CLTC: variants seen among roughly 807,000 people sequenced by gnomAD.
CLTC encodes clathrin heavy chain, also known as clathrin heavy chain 1.
Under a neutral mutation model 195.8 loss-of-function variants are expected in CLTC, and 16 were observed. The ratio of observed to expected loss-of-function variants is 0.08; its 90% confidence interval spans 0.06 to 0.12. The LOEUF (loss-of-function observed/expected upper bound fraction) is 0.12, where lower values mean the gene tolerates loss of function less well. Ranked by LOEUF, CLTC falls within the 10% of genes least tolerant of loss-of-function variation. The pLI is 1.00. For missense variants in CLTC, 796 were observed against 2,027.0 expected, an observed-to-expected ratio of 0.39 and a Z score of 11.66; for synonymous variants, 667 against 689.4, an observed-to-expected ratio of 0.97 and a Z score of 0.51.
intron 5 of CLTC, among the ~76,000 whole-genome samples, chr17:59,651,677 C>A (rs12939519): frequency 6.6e-6 from 1 of 152,166 alleles, no homozygotes; most frequent in Non-Finnish European, 1.5e-5. Flanking sequence ...TTTAAAAATA[C>A]TTTATTGCTA....
At position 59,683,373 on chromosome 17, in the gene CLTC, T is replaced by G. The variant is rs2033117284; in HGVS notation, c.4042-14T>G. 1 of 1,605,366 alleles carries G rather than the reference T, an allele frequency of 6.2e-7. No individual in the cohort carries two copies. Among genetic ancestry groups the G allele is most frequent in the Non-Finnish European group, 8.5e-7 (1 of 1,176,038 alleles). On this transcript the variant is annotated splice_polypyrimidine_tract_variant and intron_variant, in intron 25 of 31. Coordinates refer to ENST00000269122, the MANE Select transcript of CLTC (RefSeq NM_004859.4). This position sits in a 1 kb window ranked among gnomAD's most constrained non-coding sequence, Gnocchi z 6.1. ...TAGACTCATATCTAAAGCAATTAAG[T>G]CTTTCTTATGCAGGTGCTAAGAGCT... is the stretch of plus-strand genomic sequence containing the variant.
intron 5 of CLTC, among the ~76,000 whole-genome samples, chr17:59,651,724 GTAAT>G (rs1292109820): frequency 6.6e-6 from 1 of 152,204 alleles, no homozygotes; most frequent in East Asian, 1.9e-4. Context: ...TTAGTGAGTT[GTAAT>G]CTTTTTGCTT....
intron 1 of CLTC, among the ~76,000 whole-genome samples, chr17:59,640,477 A>G (rs1567936632): frequency 6.6e-6 from 1 of 151,214 alleles, no homozygotes; most frequent in Non-Finnish European, 1.5e-5. Flanking sequence ...GCTCACTGCA[A>G]CCTCCGCCTC....
intron 1 of CLTC, among the ~76,000 whole-genome samples, chr17:59,634,078 TTTTTA>T (rs1431672999): frequency 6.6e-6 from 1 of 152,064 alleles, no homozygotes; most frequent in East Asian, 1.9e-4. Context: ...CTGGACAGTT[TTTTTA>T]TTTTTTGTAG....
chr17:59,661,394 T>C (rs751071961), intron 7 of CLTC, 49 bp from the exon 8 acceptor site: 1 of 1,466,082 alleles, frequency 6.8e-7, no homozygotes, highest in Non-Finnish European at 9.6e-7. Context: ...GTTTAACATT[T>C]CTCCTTCTTA....
intron 1 of CLTC, among the ~76,000 whole-genome samples, chr17:59,642,005 T>G (rs9899439): frequency 0.73 from 101,452 of 139,732 alleles, 37,141 homozygotes; most frequent in East Asian, 0.9. Context: ...TGTTGTTTTT[T>G]TTTTTTTTTT....
At position 59,696,384 on chromosome 17, in the gene CLTC, G is replaced by A. The variant is rs1028335846; in HGVS notation, c.*2532G>A. ...TTAGACCTTGAGATGGTGCTATAAC[G>A]CTGCTTATATTGCAGTTAACCATAG... On this transcript the variant is annotated 3_prime_UTR_variant, in exon 32 of 32. Coordinates refer to ENST00000269122, the MANE Select transcript of CLTC (RefSeq NM_004859.4). The A allele has an allele frequency of 1.8e-5, 4 of 218,514 alleles. No individual in the cohort carries two copies. Among genetic ancestry groups the A allele is most frequent in the East Asian group, 6.7e-5 (1 of 14,818 alleles). 13.5% of individuals were successfully genotyped at this position (218,514 alleles called of 1,614,324 possible).
intron 1 of CLTC, among the ~76,000 whole-genome samples, chr17:59,629,543 T>TG (rs1278517086): frequency 8.4e-6 from 1 of 118,502 alleles, no homozygotes; most frequent in East Asian, 2.5e-4. Context: ...TTTTTTGAGA[T>TG]GGAGTCTTGC....
chr17:59,689,475 T>TGAGC (rs1382293833), intron 30 of CLTC: 1 of 152,096 alleles, frequency 6.6e-6, no homozygotes, highest in African/African-American at 2.4e-5. Flanking sequence ...GAACATGCAG[T>TGAGC]GAGCATTCAT....
intron 1 of CLTC, among the ~76,000 whole-genome samples, chr17:59,629,518 ATTTTTT>A (rs5821273): frequency 3.2e-5 from 4 of 126,068 alleles, no homozygotes; most frequent in Non-Finnish European, 6.4e-5. Context: ...AGAGATCATA[ATTTTTT>A]TTTTTTTTTT....
chr17:59,654,939 A>T (rs2032428479), intron 5 of CLTC, among the ~76,000 whole-genome samples: 1 of 152,220 alleles, frequency 6.6e-6, no homozygotes, highest in African/African-American at 2.4e-5. Flanking sequence ...GATGTGAGAA[A>T]ATGAGACTGG....
intron 30 of CLTC, among the ~76,000 whole-genome samples, chr17:59,688,194 C>T (rs2033224859): frequency 6.6e-6 from 1 of 152,160 alleles, no homozygotes; most frequent in African/African-American, 2.4e-5. Context: ...ATTTTTGAAA[C>T]TCTTATAGCA....
chr17:59,624,875 G>T (rs2031499937), intron 1 of CLTC, among the ~76,000 whole-genome samples: 1 of 152,038 alleles, frequency 6.6e-6, no homozygotes, highest in African/African-American at 2.4e-5. Flanking sequence ...TTGCTATATT[G>T]CTCAGGCTGG....
chr17:59,658,236 C>T (rs901327110), intron 6 of CLTC, among the ~76,000 whole-genome samples: 2 of 152,086 alleles, frequency 1.3e-5, no homozygotes, highest in African/African-American at 4.8e-5. Context: ...CAGGGTCTTG[C>T]TATGTTGCCT....
Position 59,696,497 on chromosome 17 carries a change from A to T in CLTC, c.*2645A>T, listed in dbSNP as rs1248874623. Reference sequence around the variant, plus strand: ...TGGGGATACACTGATTTTAGAAATTACTGTCAGTATCCTCCTAAAAGAAGG... The same window carrying T: ...TGGGGATACACTGATTTTAGAAATTTCTGTCAGTATCCTCCTAAAAGAAGG... On this transcript the variant is annotated 3_prime_UTR_variant, in exon 32 of 32. Transcript: ENST00000269122. The T allele has an allele frequency of 4.9e-6, 1 of 205,934 alleles. No individual in the cohort carries two copies. Among genetic ancestry groups the T allele is most frequent in the Non-Finnish European group, 9.6e-6 (1 of 104,230 alleles). The allele number at this position is 205,934 out of a possible 1,614,324, so 12.8% of individuals were successfully genotyped here.
Position 59,696,405 on chromosome 17 carries a change from CAT to C in CLTC, c.*2555_*2556del, listed in dbSNP as rs1290278582. On this transcript the variant is annotated 3_prime_UTR_variant, in exon 32 of 32. Coordinates refer to ENST00000269122, the MANE Select transcript of CLTC (RefSeq NM_004859.4). ...TAACGCTGCTTATATTGCAGTTAAC[CAT>C]AGAGAGGTGGAGCCACTTAAAATGG... 1.8e-5 allele frequency: 4 copies of C among 218,966 alleles called. No individual in the cohort carries two copies. The highest frequency in any genetic ancestry group is 6.7e-5 in the African/African-American group (3 of 44,530). 13.6% of individuals were successfully genotyped at this position (218,966 alleles called of 1,614,324 possible). A position where few individuals can be genotyped will look rare whatever the true frequency, so the allele number is the denominator to read the frequency against.
At chr17:59,690,918 CA>C (rs1207369550) in intron 31 of CLTC, 3 of 419,920 alleles carry the variant, frequency 7.1e-6, no homozygotes, top group Non-Finnish European at 8.4e-6. Flanking sequence ...CAAGAAAACT[CA>C]AAAATAGTCA....
Position 59,695,917 on chromosome 17 carries a change from T to TAAG in CLTC, c.*2067_*2069dup, listed in dbSNP as rs748840028. On this transcript the variant is annotated 3_prime_UTR_variant, in exon 32 of 32. Transcript: ENST00000269122. ...TCTGCAGAGTATACTTTGAAAACTA[T>TAAG]AAGATTATGAGTTCTATAAAATACC... 24 of 202,088 alleles carry TAAG rather than the reference T, an allele frequency of 1.2e-4. No homozygotes were observed. The highest frequency in any genetic ancestry group is 4.8e-4 in the African/African-American group (21 of 43,550). 12.5% of individuals were successfully genotyped at this position (202,088 alleles called of 1,614,324 possible).
Position 59,648,457 on chromosome 17 carries a change from A to G in CLTC, c.681+56A>G, listed in dbSNP as rs2032249247. 22 of 1,472,690 alleles carry G rather than the reference A, an allele frequency of 1.5e-5. No individual in the cohort carries two copies. Among genetic ancestry groups the G allele is most frequent in the South Asian group, 8.9e-5 (7 of 78,410 alleles). 91.2% of individuals were successfully genotyped at this position (1,472,690 alleles called of 1,614,324 possible). On this transcript the variant is annotated intron_variant, in intron 4 of 31. Transcript: ENST00000269122. This position sits in a 1 kb window ranked among gnomAD's most constrained non-coding sequence, Gnocchi z 4.5. ...GAGAACTTGTATTTGGCTTTCTGCT[A>G]TGAATTAGTCATCTAATTTCAAAAT...
Sources: allele counts gnomAD v4.1 joint callset (sites outside exome capture counted in the v4.1 genomes callset), GRCh38; gene constraint gnomAD v4.1.1; non-coding constraint Gnocchi (gnomAD v3.1); transcripts MANE v1.5; gene names NCBI Gene and HGNC (gene_info 2026-07-23, HGNC 2026-07-21).